Variants in SCAPER observed in about 807,000 individuals in gnomAD.
SCAPER encodes the protein S-phase cyclin A associated protein in the ER.
A neutral mutation model predicts 182.2 loss-of-function variants in SCAPER; 98 were observed. That is an observed-to-expected ratio of 0.54 (90% CI 0.46 to 0.64). SCAPER has a LOEUF of 0.64. Among genes scored for constraint, SCAPER ranks in the 30% least tolerant of loss-of-function variants. The probability of loss-of-function intolerance (pLI) is 0.00; values close to 1 mark genes in which losing one functional copy is unlikely to be tolerated. For synonymous variants in SCAPER, 605 were observed against 564.6 expected (o/e 1.07, Z -1.01); for missense variants, 1,432 against 1,690.0 (o/e 0.85, Z 2.68).
At chr15:76,858,057 C>T (rs1351179521) in intron 3 of SCAPER, among the ~76,000 whole-genome samples, 178 bp from the exon 4 acceptor site, 1 of 152,004 alleles carries the variant, frequency 6.6e-6, no homozygotes, top group Non-Finnish European at 1.5e-5. Flanking sequence ...CAGTATAAAC[C>T]GATATAATTA....
At chr15:76,823,470 T>C (rs1168873271) in intron 5 of SCAPER, among the ~76,000 whole-genome samples, 1 of 150,972 alleles carries the variant, frequency 6.6e-6, no homozygotes, top group African/African-American at 2.4e-5. Flanking sequence ...CAAAATAAAA[T>C]ATAATAAAAT....
At chr15:76,422,163 C>T (rs684929) in intron 26 of SCAPER, among the ~76,000 whole-genome samples, 147,947 of 152,306 alleles carry the variant, frequency 0.97, 71,996 homozygotes, top group South Asian at 1. Context: ...AAGAAAGTCA[C>T]TGGTAGCTTG....
At position 76,376,308 on chromosome 15, in the gene SCAPER, T is replaced by C. The variant is rs766744951; in HGVS notation, c.3709A>G (p.Ile1237Val). Residue 1237 changes from isoleucine to valine, a missense_variant, in exon 29 of 32, where the codon ATT (isoleucine) becomes GTT (valine). Transcript: ENST00000563290. The part of the protein sequence containing the change: ...AALHLPAFQS[I>V]VGAEGLSLAF... ...AGGGACAAGCCCTCTGCCCCTACAA[T>C]AGACTGACAAAGACAAGGAGCAGTT... 3 of 1,610,938 alleles carry C rather than the reference T, an allele frequency of 1.9e-6. No homozygotes were observed. The highest frequency in any genetic ancestry group is 1.3e-5 in the African/African-American group (1 of 74,928).
intron 5 of SCAPER, among the ~76,000 whole-genome samples, chr15:76,821,641 C>T (rs1486954000): frequency 6.6e-6 from 1 of 151,244 alleles, no homozygotes; most frequent in Non-Finnish European, 1.5e-5. Flanking sequence ...AACAAAACAC[C>T]ACAGTGGGGC....
At chr15:76,776,727 T>C (rs1242545145) in intron 8 of SCAPER, among the ~76,000 whole-genome samples, 1 of 151,866 alleles carries the variant, frequency 6.6e-6, no homozygotes, top group African/African-American at 2.4e-5. Flanking sequence ...AGTGTGAGGG[T>C]GGCCAAGCAG....
At position 76,705,896 on chromosome 15, in the gene SCAPER, T is replaced by C; in HGVS notation, c.2247+7A>G. 1 of 1,537,464 alleles carries C rather than the reference T, an allele frequency of 6.5e-7. No individual in the cohort carries two copies. The highest frequency in any genetic ancestry group is 8.7e-7 in the Non-Finnish European group (1 of 1,143,136). On this transcript the variant is annotated splice_region_variant and intron_variant, in intron 18 of 31. Coordinates refer to ENST00000563290, the MANE Select transcript of SCAPER (RefSeq NM_020843.4). The stretch of plus-strand genomic sequence containing the variant: ...AATTTCAAATTAAAAATATATAATA[T>C]CCTTACCTTGAGCTGAATTTTTTTC...
chr15:76,741,688 A>C (rs1299387035), intron 15 of SCAPER, among the ~76,000 whole-genome samples: 1 of 152,182 alleles, frequency 6.6e-6, no homozygotes, highest in Non-Finnish European at 1.5e-5. Flanking sequence ...AAAGTTGTCA[A>C]GAAGAGATTA....
At chr15:76,545,830 AC>A (rs1178273559) in intron 23 of SCAPER, among the ~76,000 whole-genome samples, 1 of 152,148 alleles carries the variant, frequency 6.6e-6, no homozygotes, top group African/African-American at 2.4e-5. Flanking sequence ...AGAGAAATTA[AC>A]TATAGAAATT....
At chr15:76,726,156 A>ATATATATATAT (rs56986282) in intron 17 of SCAPER, among the ~76,000 whole-genome samples, 3,320 of 79,488 alleles carry the variant, frequency 0.042, 407 homozygotes, top group African/African-American at 0.05. Flanking sequence ...TATATATATA[A>ATATATATATAT]AAAACTCTAT....
intron 24 of SCAPER, among the ~76,000 whole-genome samples, chr15:76,483,850 C>T (rs921196124): frequency 5.3e-5 from 8 of 152,180 alleles, no homozygotes; most frequent in East Asian, 1.9e-4. Flanking sequence ...ATCAGAAATG[C>T]GGGTGAGTAT....
At chr15:76,786,368 G>A (rs1314061703) in intron 8 of SCAPER, among the ~76,000 whole-genome samples, 1 of 149,426 alleles carries the variant, frequency 6.7e-6, no homozygotes, top group African/African-American at 2.5e-5. Flanking sequence ...ATTCACCACT[G>A]TCAATAGGCT....
intron 5 of SCAPER, among the ~76,000 whole-genome samples, chr15:76,813,763 G>A (rs774433792): frequency 1.5e-4 from 23 of 152,178 alleles, no homozygotes; most frequent in Admixed American, 2.6e-4. Context: ...CCAAGGAAGT[G>A]CAAGATCTGT....
chr15:76,561,087 A>G (rs1174568802), intron 23 of SCAPER, among the ~76,000 whole-genome samples: 1 of 152,140 alleles, frequency 6.6e-6, no homozygotes, highest in Non-Finnish European at 1.5e-5. Context: ...AACAGTAAGT[A>G]TTTACTCACT....
intron 14 of SCAPER, among the ~76,000 whole-genome samples, chr15:76,755,387 T>C (rs2151203366): frequency 6.6e-6 from 1 of 152,350 alleles, no homozygotes; most frequent in Non-Finnish European, 1.5e-5. Context: ...AACGCATTTT[T>C]ATGAACATTC....
intron 20 of SCAPER, among the ~76,000 whole-genome samples, chr15:76,684,468 AC>A (rs370644827): frequency 6.5e-4 from 99 of 152,266 alleles, no homozygotes; most frequent in African/African-American, 2.2e-3. Flanking sequence ...ATTATATTCA[AC>A]TATTACATAC....
chr15:76,872,976 A>C (rs1434983485), intron 2 of SCAPER, among the ~76,000 whole-genome samples: 3 of 151,764 alleles, frequency 2.0e-5, no homozygotes, highest in Non-Finnish European at 4.4e-5. Flanking sequence ...TGGGCCGGGC[A>C]CAGTAGTTCA....
intron 21 of SCAPER, among the ~76,000 whole-genome samples, chr15:76,624,231 G>A (rs935428245): frequency 2.0e-5 from 3 of 152,124 alleles, no homozygotes; most frequent in African/African-American, 7.2e-5. Context: ...AAAATCAGTA[G>A]CATTTCTATA....
At chr15:76,677,499 T>C (rs2057434574) in intron 20 of SCAPER, among the ~76,000 whole-genome samples, 1 of 151,832 alleles carries the variant, frequency 6.6e-6, no homozygotes, top group South Asian at 2.1e-4. Flanking sequence ...AAAGTCCTCC[T>C]TCCCTAATAT....
At chr15:76,856,365 G>C (rs998770622) in intron 4 of SCAPER, among the ~76,000 whole-genome samples, 1 of 151,782 alleles carries the variant, frequency 6.6e-6, no homozygotes, top group African/African-American at 2.4e-5. Flanking sequence ...CCCATGAAAC[G>C]AGTTTACCTA....
Sources: allele counts gnomAD v4.1 joint callset (sites outside exome capture counted in the v4.1 genomes callset), GRCh38; gene constraint gnomAD v4.1.1; transcripts MANE v1.5; gene names NCBI Gene and HGNC (gene_info 2026-07-23, HGNC 2026-07-21).